RANBP2: variants seen among roughly 807,000 people sequenced by gnomAD.
RANBP2 encodes E3 SUMO-protein ligase RanBP2.
Under a neutral mutation model 303.6 loss-of-function variants are expected in RANBP2, and 57 were observed. The observed-to-expected ratio is 0.19, with a 90% CI of 0.15 to 0.23. RANBP2 has a LOEUF of 0.23. RANBP2 is among the 10% of genes least tolerant of loss of function. The pLI is 1.00. For synonymous variants in RANBP2, 1,167 were observed against 1,301.5 expected, an observed-to-expected ratio of 0.90 and a Z score of 2.23; for missense variants, 3,138 against 3,780.8, an observed-to-expected ratio of 0.83 and a Z score of 4.46.
chr2:109,607,252 C>A, the RANBP2 span, among the ~76,000 whole-genome samples: 1 of 152,094 alleles, frequency 6.6e-6, no homozygotes, highest in Non-Finnish European at 1.5e-5. Context: ...TCCATAGAAA[C>A]AATATTACAA....
At chr2:109,053,233 C>G in the RANBP2 span, among the ~76,000 whole-genome samples, 1 of 152,224 alleles carries the variant, frequency 6.6e-6, no homozygotes, top group Admixed American at 6.5e-5. Context: ...TGTTCAGACT[C>G]CCCTGCCCAA....
chr2:109,480,836 G>A, the RANBP2 span, among the ~76,000 whole-genome samples: 11 of 152,306 alleles, frequency 7.2e-5, no homozygotes, highest in Admixed American at 4.6e-4. Context: ...CATGGAGGGC[G>A]GTTCGCTGTT....
chr2:109,628,097 A>G, the RANBP2 span, among the ~76,000 whole-genome samples: 2 of 152,164 alleles, frequency 1.3e-5, no homozygotes, highest in African/African-American at 4.8e-5. Context: ...GGCCCATCTC[A>G]TGGACATCTT....
the RANBP2 span, among the ~76,000 whole-genome samples, chr2:109,542,221 AT>A: frequency 6.6e-6 from 1 of 152,136 alleles, no homozygotes; most frequent in Non-Finnish European, 1.5e-5. Context: ...TCATTAAAAA[AT>A]TTTTTCTTTG....
chr2:109,233,094 G>T, the RANBP2 span, among the ~76,000 whole-genome samples: 1,526 of 152,326 alleles, frequency 0.01, 11 homozygotes, highest in South Asian at 0.024. Context: ...CACAGCAGTG[G>T]CGAGGGGTGT....
At chr2:109,012,730 C>T in the RANBP2 span, among the ~76,000 whole-genome samples, 3 of 152,112 alleles carry the variant, frequency 2.0e-5, no homozygotes, top group East Asian at 1.9e-4. Flanking sequence ...CTGGCCAACA[C>T]GGTGAAACCC....
the RANBP2 span, among the ~76,000 whole-genome samples, chr2:109,664,575 C>A: frequency 1.3e-5 from 2 of 151,400 alleles, no homozygotes; most frequent in African/African-American, 4.9e-5. Flanking sequence ...TTGCACTCCA[C>A]CCTGGGTGAA....
the RANBP2 span, among the ~76,000 whole-genome samples, chr2:109,144,985 C>T: frequency 6.6e-6 from 1 of 152,264 alleles, no homozygotes; most frequent in Admixed American, 6.5e-5. Flanking sequence ...CACCCGGCTC[C>T]TGGGCTCTAA....
the RANBP2 span, among the ~76,000 whole-genome samples, chr2:109,150,390 A>C: frequency 6.6e-6 from 1 of 152,306 alleles, no homozygotes; most frequent in African/African-American, 2.4e-5. Flanking sequence ...CTATAACCTG[A>C]TGATAGTCGA....
chr2:109,730,408 A>G, the RANBP2 span, among the ~76,000 whole-genome samples: 1 of 152,304 alleles, frequency 6.6e-6, no homozygotes, highest in South Asian at 2.1e-4. Context: ...CTTCAGAAAG[A>G]AGAATGACTA....
At chr2:108,977,443 TG>T in the RANBP2 span, among the ~76,000 whole-genome samples, 1 of 152,166 alleles carries the variant, frequency 6.6e-6, no homozygotes, top group African/African-American at 2.4e-5. Context: ...TAATTTTTTT[TG>T]TATTTTTAGT....
At chr2:108,839,893 T>C in the RANBP2 span, among the ~76,000 whole-genome samples, 1 of 152,018 alleles carries the variant, frequency 6.6e-6, no homozygotes, top group Admixed American at 6.5e-5. Context: ...AGCTAGAGTT[T>C]CCAGCAGTAT....
the RANBP2 span, among the ~76,000 whole-genome samples, chr2:109,031,781 A>T: frequency 6.6e-6 from 1 of 152,154 alleles, no homozygotes; most frequent in African/African-American, 2.4e-5. Context: ...GGCGGGATAA[A>T]GCTGCCCCAC....
At chr2:109,690,321 C>T in the RANBP2 span, among the ~76,000 whole-genome samples, 3 of 152,174 alleles carry the variant, frequency 2.0e-5, no homozygotes, top group Non-Finnish European at 1.5e-5. Flanking sequence ...CGGGACAACT[C>T]AAAGTTGTGG....
the RANBP2 span, among the ~76,000 whole-genome samples, chr2:109,719,470 G>A: frequency 6.7e-6 from 1 of 148,898 alleles, no homozygotes; most frequent in Admixed American, 6.8e-5. Context: ...GCAATGGTGG[G>A]ATCCCCGCTC....
At chr2:109,527,958 C>T in the RANBP2 span, among the ~76,000 whole-genome samples, 1 of 152,110 alleles carries the variant, frequency 6.6e-6, no homozygotes, top group Non-Finnish European at 1.5e-5. Flanking sequence ...GGAGGATGTG[C>T]AGAGTGGAGA....
chr2:109,279,246 A>G, the RANBP2 span, among the ~76,000 whole-genome samples: 1 of 152,136 alleles, frequency 6.6e-6, no homozygotes, highest in African/African-American at 2.4e-5. Context: ...CTGACTTCTG[A>G]ATGTGGCTTA....
At chr2:109,349,148 TCTG>T in the RANBP2 span, among the ~76,000 whole-genome samples, 225 of 127,612 alleles carry the variant, frequency 1.8e-3, no homozygotes, top group Non-Finnish European at 2.5e-3. Flanking sequence ...CTCTCCCCCA[TCTG>T]CTGAGTGCAG....
the RANBP2 span, among the ~76,000 whole-genome samples, chr2:108,975,212 G>T: frequency 6.6e-6 from 1 of 152,232 alleles, no homozygotes; most frequent in Non-Finnish European, 1.5e-5. Context: ...AAGGGGCAAA[G>T]GAGAGAGAGG....
Sources: allele counts gnomAD v4.1 joint callset (sites outside exome capture counted in the v4.1 genomes callset), GRCh38; gene constraint gnomAD v4.1.1; transcripts MANE v1.5; gene names NCBI Gene and HGNC (gene_info 2026-07-23, HGNC 2026-07-21).